EXOC4: variants seen among roughly 807,000 people sequenced by gnomAD.
EXOC4 encodes the protein SEC8-like 1.
In EXOC4, 71 loss-of-function variants were observed where a neutral mutation model predicts 107.2. The observed-to-expected ratio is 0.66, with a 90% CI of 0.55 to 0.81. EXOC4 has a LOEUF of 0.81. Ranked by LOEUF, EXOC4 falls within the 30% of genes least tolerant of loss-of-function variation. The pLI is 0.00. For missense variants in EXOC4, 1,108 were observed against 1,189.6 expected (o/e 0.93, Z 1.01); for synonymous variants, 456 against 441.2 (o/e 1.03, Z -0.42).
intron 10 of EXOC4, among the ~76,000 whole-genome samples, chr7:133,701,815 C>A (rs1236328207): frequency 2.6e-5 from 4 of 151,902 alleles, no homozygotes; most frequent in African/African-American, 9.7e-5. Flanking sequence ...TATACACATA[C>A]CCTGAAGGTA....
chr7:133,868,926 C>T lies in EXOC4; in HGVS notation c.1735-26673C>T, dbSNP rs564751956. On this transcript the variant is annotated intron_variant, in intron 11 of 17. Coordinates refer to ENST00000253861, the MANE Select transcript of EXOC4 (RefSeq NM_021807.4). ...TAGAAGTAAATTCTCCCCTCGATAA[C>T]ATCTCTCCTTCCTGCTCCCTGTGCC... Among the ~76,000 whole-genome samples, 10 of 152,130 alleles carry T rather than the reference C, an allele frequency of 6.6e-5. No individual in the cohort carries two copies. The East Asian group carries it at 1.9e-3, about 29-fold the overall frequency.
chr7:133,699,288 G>GT (rs936619969), intron 10 of EXOC4, among the ~76,000 whole-genome samples: 1 of 152,136 alleles, frequency 6.6e-6, no homozygotes, highest in South Asian at 2.1e-4. Flanking sequence ...CTGAGTCAGT[G>GT]TTTTTTCCCC....
Position 133,658,643 on chromosome 7 carries a change from G to A in EXOC4, c.1514+28502G>A, listed in dbSNP as rs1015176836. On this transcript the variant is annotated intron_variant, in intron 10 of 17. Transcript: ENST00000253861. Reference sequence around the variant, plus strand: ...CCTCTTCTACAGATTTATTATGATAGTGAAGTAAGTTGTAAGCACAACGGA... The same window carrying A: ...CCTCTTCTACAGATTTATTATGATAATGAAGTAAGTTGTAAGCACAACGGA... Among the ~76,000 whole-genome samples the A allele has an allele frequency of 1.3e-5, 2 of 152,172 alleles. 1 individual carries two copies. The highest frequency in any genetic ancestry group is 4.1e-4 in the South Asian group (2 of 4,830).
chr7:133,934,972 C>T (rs556343748), intron 13 of EXOC4, among the ~76,000 whole-genome samples: 1 of 150,562 alleles, frequency 6.6e-6, no homozygotes, highest in African/African-American at 2.4e-5. Context: ...AATGAGTCAG[C>T]TAGAAATTGC....
At chr7:133,796,400 C>CA (rs1238905327) in intron 10 of EXOC4, among the ~76,000 whole-genome samples, 7 of 152,308 alleles carry the variant, frequency 4.6e-5, no homozygotes, top group Non-Finnish European at 1.0e-4. Context: ...TTCCTCAGTT[C>CA]AGAAGGATGA....
At chr7:133,370,782 C>T (rs1418334186) in intron 6 of EXOC4, among the ~76,000 whole-genome samples, 1 of 152,148 alleles carries the variant, frequency 6.6e-6, no homozygotes, top group Non-Finnish European at 1.5e-5. Flanking sequence ...GAAATTTAGA[C>T]GAAGGAAACT....
chr7:134,005,340 A>G (rs1330046669), intron 16 of EXOC4, among the ~76,000 whole-genome samples: 1 of 152,184 alleles, frequency 6.6e-6, no homozygotes, highest in East Asian at 1.9e-4. Flanking sequence ...CTGACATGCC[A>G]TTCATGAGAT....
chr7:133,970,271 C>T (rs749799603), intron 14 of EXOC4, among the ~76,000 whole-genome samples: 2 of 152,162 alleles, frequency 1.3e-5, no homozygotes, highest in Non-Finnish European at 2.9e-5. Context: ...TGGATCTTAG[C>T]TTGCTGGGCT....
chr7:134,073,658 C>G, the EXOC4 span, among the ~76,000 whole-genome samples: 1 of 147,606 alleles, frequency 6.8e-6, no homozygotes, highest in Non-Finnish European at 1.5e-5. Context: ...AGAAAAATGT[C>G]ACATTCTTTT....
At chr7:133,577,188 C>T (rs2150964061) in intron 9 of EXOC4, among the ~76,000 whole-genome samples, 1 of 152,156 alleles carries the variant, frequency 6.6e-6, no homozygotes, top group East Asian at 1.9e-4. Context: ...AAATGTGTTA[C>T]CTCTACTTAT....
chr7:133,575,244 G>T (rs1462866925), intron 9 of EXOC4, among the ~76,000 whole-genome samples: 2 of 152,074 alleles, frequency 1.3e-5, no homozygotes, highest in Non-Finnish European at 2.9e-5. Context: ...CTTAATGCTT[G>T]TCTCTCCTGT....
intron 10 of EXOC4, among the ~76,000 whole-genome samples, chr7:133,673,884 C>T (rs867065925): frequency 8.0e-4 from 122 of 152,250 alleles, no homozygotes; most frequent in African/African-American, 2.7e-3. Flanking sequence ...TTGTAATTGA[C>T]AAAGAACATG....
chr7:133,358,724 T>G (rs1796076262), intron 6 of EXOC4, among the ~76,000 whole-genome samples: 1 of 152,202 alleles, frequency 6.6e-6, no homozygotes, highest in African/African-American at 2.4e-5. Context: ...TAATAACTTT[T>G]CTGCAGATCT....
At chr7:134,000,002 T>C (rs796991611) in intron 15 of EXOC4, among the ~76,000 whole-genome samples, 2 of 152,168 alleles carry the variant, frequency 1.3e-5, no homozygotes, top group South Asian at 4.1e-4. Context: ...AGAATGAATA[T>C]CAAAAAAGAC....
At chr7:133,574,419 A>G (rs986775974) in intron 9 of EXOC4, among the ~76,000 whole-genome samples, 12 of 152,192 alleles carry the variant, frequency 7.9e-5, no homozygotes, top group African/African-American at 2.9e-4. Flanking sequence ...TTGCTTCTTG[A>G]GGGTAGACAT....
At chr7:133,277,803 T>C (rs1794032209) in intron 2 of EXOC4, among the ~76,000 whole-genome samples, 1 of 152,198 alleles carries the variant, frequency 6.6e-6, no homozygotes, top group African/African-American at 2.4e-5. Context: ...TTTTTGACAA[T>C]TTTGTACCAT....
At chr7:133,553,847 G>T (rs12536963) in intron 9 of EXOC4, among the ~76,000 whole-genome samples, 94,658 of 152,034 alleles carry the variant, frequency 0.62, 30,589 homozygotes, top group South Asian at 0.73. Flanking sequence ...TATCGCTCAC[G>T]TAACATGTCA....
At chr7:133,833,394 A>G (rs1797852209) in intron 11 of EXOC4, among the ~76,000 whole-genome samples, 1 of 152,204 alleles carries the variant, frequency 6.6e-6, no homozygotes, top group African/African-American at 2.4e-5. Flanking sequence ...CCTCCCAGAT[A>G]TTTCTTATAG....
At chr7:133,480,544 C>A in intron 9 of EXOC4, 1 of 706,284 alleles carries the variant, frequency 1.4e-6, no homozygotes, top group Non-Finnish European at 1.8e-6. Flanking sequence ...CAACCACTGT[C>A]ATTATTTAAA....
Sources: allele counts gnomAD v4.1 joint callset (sites outside exome capture counted in the v4.1 genomes callset), GRCh38; gene constraint gnomAD v4.1.1; transcripts MANE v1.5; gene names NCBI Gene and HGNC (gene_info 2026-07-23, HGNC 2026-07-21).